Variants in DIAPH1 observed in about 807,000 individuals in gnomAD.
DIAPH1 encodes protein diaphanous homolog 1.
A neutral mutation model predicts 140.7 loss-of-function variants in DIAPH1; 46 were observed. The ratio of observed to expected loss-of-function variants is 0.33; its 90% CI spans 0.26 to 0.42. DIAPH1 has a LOEUF of 0.42. DIAPH1 is among the 10% of genes least tolerant of loss of function. DIAPH1 has a pLI of 1.00. For synonymous variants in DIAPH1, 565 were observed against 551.6 expected (o/e 1.02, Z -0.34); for missense variants, 1,310 against 1,558.7 (o/e 0.84, Z 2.69).
At chr5:141,607,383 T>C (rs1198043151) in intron 1 of DIAPH1, among the ~76,000 whole-genome samples, 1 of 152,258 alleles carries the variant, frequency 6.6e-6, no homozygotes, top group African/African-American at 2.4e-5. Flanking sequence ...AAGATCGATG[T>C]ATTAAAATTG....
chr5:141,618,708 C>A, intron 1 of DIAPH1, 90 bp downstream of exon 1: 1 of 948,772 alleles, frequency 1.1e-6, no homozygotes, highest in Non-Finnish European at 1.6e-6. Context: ...GGCGGCTCCC[C>A]AAAGCCGGGC....
chr5:141,517,389 A>G (rs111335559), intron 27 of DIAPH1, among the ~76,000 whole-genome samples: 17 of 152,328 alleles, frequency 1.1e-4, no homozygotes, highest in African/African-American at 4.1e-4. Flanking sequence ...AGTTTAGTAC[A>G]TAGTATTATT....
At position 141,618,847 on chromosome 5, in the gene DIAPH1, G is replaced by T; in HGVS notation, c.68C>A (p.Pro23Gln). 6.5e-7 allele frequency: 1 copy of T among 1,543,234 alleles called. No individual in the cohort carries two copies. Among genetic ancestry groups the T allele is most frequent in the Non-Finnish European group, 8.7e-7 (1 of 1,144,100 alleles). Reference sequence around the variant, plus strand: ...GCCGCCCGCCGAGGGCAGCTCATCTGGGCTCCGGCCCTTCTTCTTGTCCCG... The same window carrying T: ...GCCGCCCGCCGAGGGCAGCTCATCTTGGCTCCGGCCCTTCTTCTTGTCCCG... ...GTRDKKKGRS[P>Q]DELPSAGGDG... is the part of the protein sequence containing the mutation. The change falls in exon 1 of 28, where the codon CCA (proline) becomes CAA (glutamine). Residue 23 changes from proline to glutamine, a missense_variant. By Grantham distance (76) the Pro-to-Gln change is moderately conservative (BLOSUM62 -1). Around this residue, in one of 3 missense-constraint regions of DIAPH1, gnomAD observed 377 missense variants for 497.1 expected, o/e 0.76. Transcript: ENST00000389054.
chr5:141,598,074 T>G (rs750546957), intron 1 of DIAPH1, among the ~76,000 whole-genome samples: 1 of 152,168 alleles, frequency 6.6e-6, no homozygotes, highest in African/African-American at 2.4e-5. Context: ...AAAATCTAGG[T>G]GCACTCGTAA....
chr5:141,589,092 G>T, intron 1 of DIAPH1: 1 of 161,880 alleles, frequency 6.2e-6, no homozygotes, highest in Admixed American at 6.1e-5. Context: ...CTAGAAGGTA[G>T]ATGTGCTTTG....
intron 16 of DIAPH1, among the ~76,000 whole-genome samples, 196 bp downstream of exon 16, chr5:141,573,296 G>C (rs181724235): frequency 1.3e-5 from 2 of 152,040 alleles, no homozygotes; most frequent in African/African-American, 4.8e-5. Flanking sequence ...TTAGCCGGGC[G>C]TGGTGGCGCG....
chr5:141,606,080 A>G (rs767072547), intron 1 of DIAPH1, among the ~76,000 whole-genome samples: 2 of 152,244 alleles, frequency 1.3e-5, no homozygotes, highest in Non-Finnish European at 2.9e-5. Context: ...ATTTTAGAAT[A>G]GTCCAAAACT....
At chr5:141,617,001 T>G (rs1384565136) in intron 1 of DIAPH1, among the ~76,000 whole-genome samples, 1 of 152,150 alleles carries the variant, frequency 6.6e-6, no homozygotes, top group Non-Finnish European at 1.5e-5. Context: ...AAATAATTGT[T>G]AGATAAAATA....
chr5:141,618,539 G>T (rs928768897), intron 1 of DIAPH1: 3 of 375,782 alleles, frequency 8.0e-6, no homozygotes, highest in Non-Finnish European at 1.5e-5. Flanking sequence ...GGGGATATGC[G>T]GGCGGGAGGG....
intron 24 of DIAPH1, among the ~76,000 whole-genome samples, chr5:141,526,952 T>C (rs2099887422): frequency 1.3e-5 from 2 of 152,164 alleles, no homozygotes; most frequent in African/African-American, 4.8e-5. Context: ...TTTCTATAAA[T>C]ACTATTATGG....
At position 141,525,983 on chromosome 5, in the gene DIAPH1, G is replaced by C; in HGVS notation, c.3574+55C>G. The C allele has an allele frequency of 2.5e-6, 4 of 1,611,146 alleles. No individual in the cohort carries two copies. The South Asian group carries it at 4.4e-5, about 18-fold the overall frequency. ...AGACTCTGCCTCTAGACTCTAGGCA[G>C]AGAAGTCTTCCCAACATTCCTATCT... On this transcript the variant is annotated intron_variant, in intron 26 of 27. Transcript: ENST00000389054.
chr5:141,526,032 C>A lies in DIAPH1; in HGVS notation c.3574+6G>T, dbSNP rs538555634. On this transcript the variant is annotated splice_donor_region_variant and intron_variant, in intron 26 of 27. Coordinates refer to ENST00000389054, the MANE Select transcript of DIAPH1 (RefSeq NM_005219.5). ...CTCAGCCCATCAACCCGTCTTCACTCCTCACCTGCATTCATGTCTATGAGT... is the reference window on the plus strand; with the variant it reads ...CTCAGCCCATCAACCCGTCTTCACTACTCACCTGCATTCATGTCTATGAGT... 6.2e-7 allele frequency: 1 copy of A among 1,613,838 alleles called. No homozygotes were observed. Among genetic ancestry groups the A allele is most frequent in the Admixed American group, 1.7e-5 (1 of 59,996 alleles).
intron 18 of DIAPH1, among the ~76,000 whole-genome samples, chr5:141,536,951 C>T (rs1325728635): frequency 6.6e-6 from 1 of 152,088 alleles, no homozygotes; most frequent in Non-Finnish European, 1.5e-5. Context: ...GGGAGGGTCA[C>T]TTGAGTCCAG....
chr5:141,604,830 A>G (rs1181906124), intron 1 of DIAPH1, among the ~76,000 whole-genome samples: 1 of 152,184 alleles, frequency 6.6e-6, no homozygotes, highest in Non-Finnish European at 1.5e-5. Context: ...ACCACAGAAA[A>G]TATTTTTTGG....
At chr5:141,553,883 TTTAAAACAAGAAA>T (rs1240424840) in intron 18 of DIAPH1, among the ~76,000 whole-genome samples, 1 of 152,102 alleles carries the variant, frequency 6.6e-6, no homozygotes, top group East Asian at 1.9e-4. Context: ...AATTCAGTAT[TTTAAAACAAGAAA>T]GAAAAACAGA....
chr5:141,574,562 C>G (rs957727927), intron 15 of DIAPH1, among the ~76,000 whole-genome samples: 2 of 152,142 alleles, frequency 1.3e-5, no homozygotes, highest in African/African-American at 4.8e-5. Flanking sequence ...CATAAGTAAT[C>G]AAGTTATCAG....
At chr5:141,545,366 G>C (rs188132448) in intron 18 of DIAPH1, among the ~76,000 whole-genome samples, 1 of 152,316 alleles carries the variant, frequency 6.6e-6, no homozygotes, top group African/African-American at 2.4e-5. Flanking sequence ...AATAGTGTGA[G>C]AACAGCTGGA....
intron 18 of DIAPH1, among the ~76,000 whole-genome samples, chr5:141,550,204 A>G (rs1343076713): frequency 6.6e-6 from 1 of 152,232 alleles, no homozygotes; most frequent in Non-Finnish European, 1.5e-5. Context: ...GTATGTACCT[A>G]ATAACATTAT....
At chr5:141,575,739 A>G (rs910858948) in intron 14 of DIAPH1, among the ~76,000 whole-genome samples, 14 of 152,208 alleles carry the variant, frequency 9.2e-5, no homozygotes, top group Admixed American at 8.5e-4. Flanking sequence ...CTATTTTTAT[A>G]GTTAAAAAAA....
Sources: allele counts gnomAD v4.1 joint callset (sites outside exome capture counted in the v4.1 genomes callset), GRCh38; gene constraint gnomAD v4.1.1; regional missense constraint gnomAD v4.1.1; transcripts MANE v1.5; gene names NCBI Gene and HGNC (gene_info 2026-07-23, HGNC 2026-07-21).